RPSA2: variants seen among roughly 807,000 people sequenced by gnomAD.
The protein encoded by RPSA2 is small ribosomal subunit protein uS2B.
chr19:23,846,277 A>G, the RPSA2 span, among the ~76,000 whole-genome samples: 3 of 152,260 alleles, frequency 2.0e-5, no homozygotes, highest in Middle Eastern at 3.4e-3. Context: ...TCATAAATCT[A>G]TACATTTCAA....
At chr19:23,814,688 A>T in the RPSA2 span, among the ~76,000 whole-genome samples, 11 of 152,178 alleles carry the variant, frequency 7.2e-5, no homozygotes, top group Admixed American at 2.6e-4. Flanking sequence ...AAAAACTATT[A>T]TTTTTTGATT....
the RPSA2 span, among the ~76,000 whole-genome samples, chr19:23,762,676 C>CAAAA: frequency 3.8e-5 from 5 of 130,046 alleles, no homozygotes; most frequent in Non-Finnish European, 8.0e-5. Context: ...AACTCGGTCT[C>CAAAA]AAAAAAAAAA....
At chr19:23,814,094 C>T in the RPSA2 span, among the ~76,000 whole-genome samples, 1 of 151,222 alleles carries the variant, frequency 6.6e-6, no homozygotes, top group Non-Finnish European at 1.5e-5. Flanking sequence ...CGCCTGTAAT[C>T]CCAGCTTCTT....
chr19:23,796,309 A>G, the RPSA2 span, among the ~76,000 whole-genome samples: 101 of 152,274 alleles, frequency 6.6e-4, no homozygotes, highest in African/African-American at 2.1e-3. Context: ...TGCATTCCCA[A>G]AATAAATTCT....
the RPSA2 span, chr19:23,827,508 T>G: frequency 1.3e-6 from 2 of 1,597,100 alleles, no homozygotes; most frequent in Non-Finnish European, 1.7e-6. Flanking sequence ...CAGGCAGCCT[T>G]CTGGGAGCCA....
At chr19:23,866,668 A>G in the RPSA2 span, among the ~76,000 whole-genome samples, 1 of 152,098 alleles carries the variant, frequency 6.6e-6, no homozygotes, top group Non-Finnish European at 1.5e-5. Flanking sequence ...TCAAGCCATG[A>G]GGGCATTCCC....
At chr19:23,838,300 C>CATG in the RPSA2 span, among the ~76,000 whole-genome samples, 1 of 6,164 alleles carries the variant, frequency 1.6e-4, no homozygotes, top group Non-Finnish European at 4.9e-3. Flanking sequence ...CCCACTTGAT[C>CATG]ATGGATTATC....
At chr19:23,840,165 G>T in the RPSA2 span, among the ~76,000 whole-genome samples, 1 of 152,188 alleles carries the variant, frequency 6.6e-6, no homozygotes, top group African/African-American at 2.4e-5. Context: ...CTTCTAGAAG[G>T]TCATGTATTT....
the RPSA2 span, among the ~76,000 whole-genome samples, chr19:23,776,290 A>G: frequency 5.5e-3 from 832 of 152,294 alleles, 4 homozygotes; most frequent in South Asian, 8.9e-3. Context: ...CTGGACCAGA[A>G]ACTAGGTGAT....
chr19:23,830,435 A>G, the RPSA2 span, among the ~76,000 whole-genome samples: 11 of 152,178 alleles, frequency 7.2e-5, no homozygotes, highest in Non-Finnish European at 1.5e-4. Context: ...AGGAGCCACC[A>G]TGCCTGGCCT....
chr19:23,761,923 T>TCTTTCTTTCTTTCTTTCTTTC, the RPSA2 span, among the ~76,000 whole-genome samples: 11 of 63,550 alleles, frequency 1.7e-4, no homozygotes, highest in Admixed American at 4.9e-4. Flanking sequence ...TTTCTTTCTT[T>TCTTTCTTTCTTTCTTTCTTTC]TTTTTTTTTT....
chr19:23,859,586 C>A, the RPSA2 span, among the ~76,000 whole-genome samples: 63 of 151,624 alleles, frequency 4.2e-4, no homozygotes, highest in African/African-American at 1.5e-3. Context: ...GAGCTCACAC[C>A]ATTGCACTCC....
the RPSA2 span, among the ~76,000 whole-genome samples, chr19:23,794,672 A>C: frequency 2.8e-4 from 42 of 152,152 alleles, no homozygotes; most frequent in Non-Finnish European, 1.5e-4. Flanking sequence ...TTTGCTGTGA[A>C]GAAGCTCTTT....
the RPSA2 span, among the ~76,000 whole-genome samples, chr19:23,761,912 CTTTCTTTCTT>C: frequency 1.5e-4 from 5 of 32,752 alleles, no homozygotes; most frequent in Admixed American, 3.6e-4. Context: ...TTCTTTCTTT[CTTTCTTTCTT>C]TTTTTTTTTT....
the RPSA2 span, among the ~76,000 whole-genome samples, chr19:23,792,344 C>G: frequency 6.6e-6 from 1 of 152,068 alleles, no homozygotes; most frequent in African/African-American, 2.4e-5. Flanking sequence ...CCTGATTATC[C>G]AAGACATGGA....
At chr19:23,762,519 T>C in the RPSA2 span, among the ~76,000 whole-genome samples, 1 of 151,374 alleles carries the variant, frequency 6.6e-6, no homozygotes, top group Non-Finnish European at 1.5e-5. Flanking sequence ...CTACTAAAAA[T>C]ACAAAAAGTA....
At chr19:23,862,436 G>A in the RPSA2 span, among the ~76,000 whole-genome samples, 15,813 of 151,164 alleles carry the variant, frequency 0.1, 991 homozygotes, top group Non-Finnish European at 0.14. Context: ...TGGTGAGAGA[G>A]GGCATCCCTG....
the RPSA2 span, among the ~76,000 whole-genome samples, chr19:23,821,847 T>G: frequency 6.6e-6 from 1 of 152,220 alleles, no homozygotes; most frequent in Non-Finnish European, 1.5e-5. Context: ...AATTTTCCTT[T>G]TTGTGAGGGC....
At chr19:23,774,973 C>G in the RPSA2 span, among the ~76,000 whole-genome samples, 54 of 152,142 alleles carry the variant, frequency 3.5e-4, no homozygotes, top group Admixed American at 1.3e-4. Context: ...TTGTTCAGAT[C>G]ATAGGTGTGA....
Sources: allele counts gnomAD v4.1 joint callset (sites outside exome capture counted in the v4.1 genomes callset), GRCh38; gene constraint gnomAD v4.1.1; transcripts MANE v1.5; gene names NCBI Gene and HGNC (gene_info 2026-07-23, HGNC 2026-07-21).